The following LYPLA1 variants were observed in gnomAD, a reference collection of about 807,000 sequenced individuals.
LYPLA1 encodes the protein acyl-protein thioesterase 1.
Under a neutral mutation model 34.0 loss-of-function variants are expected in LYPLA1, and 17 were observed. The observed-to-expected ratio is 0.50, with a 90% confidence interval of 0.34 to 0.75. The LOEUF (loss-of-function observed/expected upper bound fraction) is 0.75, where lower values mean the gene tolerates loss of function less well. Among genes scored for constraint, LYPLA1 ranks in the 30% least tolerant of loss-of-function variants. LYPLA1 has a pLI of 0.01. For synonymous variants in LYPLA1, 98 were observed against 100.8 expected (o/e 0.97, Z 0.17); for missense variants, 203 against 288.8 (o/e 0.70, Z 2.15).
Position 54,056,891 on chromosome 8 carries a change from G to A in LYPLA1, c.287-1758C>T, listed in dbSNP as rs534362811. On this transcript the variant is annotated intron_variant, in intron 5 of 8. Transcript: ENST00000316963. ...TTGCACCACTGCACCCCAGCCTGGCGAAAGAGCAAGACTCTGTCTCAAAAC... is the reference window on the plus strand; with the variant it reads ...TTGCACCACTGCACCCCAGCCTGGCAAAAGAGCAAGACTCTGTCTCAAAAC... 5.3e-5 allele frequency among the ~76,000 whole-genome samples: 8 copies of A among 152,080 alleles called. No homozygotes were observed. In the South Asian group the frequency reaches 8.3e-4, roughly 16 times the overall value.
intron 2 of LYPLA1, among the ~76,000 whole-genome samples, chr8:54,067,756 C>T (rs1192305986): frequency 1.4e-5 from 2 of 146,034 alleles, no homozygotes; most frequent in African/African-American, 5.1e-5. Context: ...AGTGCAGTGG[C>T]GCGATCTCGG....
chr8:54,074,086 T>G (rs920714844), intron 2 of LYPLA1, among the ~76,000 whole-genome samples: 2 of 152,086 alleles, frequency 1.3e-5, no homozygotes, highest in Non-Finnish European at 2.9e-5. Flanking sequence ...CCATCCTGGC[T>G]AACATGGTGA....
At chr8:54,063,482 T>C (rs1326292276) in intron 3 of LYPLA1, 107 bp from the exon 4 acceptor site, 1 of 722,290 alleles carries the variant, frequency 1.4e-6, no homozygotes, top group Non-Finnish European at 2.4e-6. Context: ...CAAAACTATA[T>C]GCTACAGTTT....
At chr8:54,093,421 A>G (rs867004027) in intron 2 of LYPLA1, among the ~76,000 whole-genome samples, 2 of 152,238 alleles carry the variant, frequency 1.3e-5, no homozygotes, top group African/African-American at 4.8e-5. Flanking sequence ...TCACATGAAG[A>G]CAGAGGCAGA....
chr8:54,072,475 C>T (rs544362769), intron 2 of LYPLA1, among the ~76,000 whole-genome samples: 2 of 152,260 alleles, frequency 1.3e-5, no homozygotes, highest in African/African-American at 4.8e-5. Context: ...AAAATATATG[C>T]AAACTGCGCA....
rs547563001 is a variant in LYPLA1 at position 54,047,218 on chromosome 8, G to A, written c.*847C>T. 8 of 152,268 alleles carry A rather than the reference G, an allele frequency of 5.3e-5. No individual in the cohort carries two copies. Among genetic ancestry groups the A allele is most frequent in the African/African-American group, 1.9e-4 (8 of 41,576 alleles). The allele number at this position is 152,268 out of a possible 1,614,324, so 9.4% of individuals were successfully genotyped here. ...TAGGTGTAAATTTGGATAAGGTACAGTAATTCGAAATAAGTAGTGCATGAA... is the reference window on the plus strand; with the variant it reads ...TAGGTGTAAATTTGGATAAGGTACAATAATTCGAAATAAGTAGTGCATGAA... On this transcript the variant is annotated 3_prime_UTR_variant, in exon 9 of 9. Coordinates refer to ENST00000316963, the MANE Select transcript of LYPLA1 (RefSeq NM_006330.4).
chr8:54,100,960 T>A (rs779952366), intron 1 of LYPLA1, 21 bp from the exon 2 acceptor site: 35 of 1,600,442 alleles, frequency 2.2e-5, no homozygotes, highest in African/African-American at 1.5e-4. Flanking sequence ...AGAGGAAAAT[T>A]AATAAGCAAT....
intron 8 of LYPLA1, 39 bp from the exon 9 acceptor site, chr8:54,048,157 G>GT: frequency 7.6e-7 from 1 of 1,313,572 alleles, no homozygotes; most frequent in Non-Finnish European, 1.1e-6. Context: ...AGGTAGTTAT[G>GT]TAAGTCAGAA....
chr8:54,052,927 T>A, intron 6 of LYPLA1, 171 bp from the exon 7 acceptor site: 2 of 560,966 alleles, frequency 3.6e-6, no homozygotes, highest in South Asian at 4.9e-5. Context: ...TCCTAAAGGA[T>A]GCGGTTCTCT....
intron 2 of LYPLA1, among the ~76,000 whole-genome samples, chr8:54,082,337 C>T (rs576468442): frequency 6.6e-6 from 1 of 152,228 alleles, no homozygotes; most frequent in South Asian, 2.1e-4. Context: ...TTCCTTATTA[C>T]AATTAGGGGA....
chr8:54,060,120 A>ATTTC (rs1267309482), intron 5 of LYPLA1, among the ~76,000 whole-genome samples: 1 of 129,150 alleles, frequency 7.7e-6, no homozygotes. Context: ...GCACCTGTGC[A>ATTTC]TTTCTTTCTT....
At position 54,065,815 on chromosome 8, in the gene LYPLA1, T is replaced by A; in HGVS notation, c.102-2A>T. 1 of 1,595,000 alleles carries A rather than the reference T, an allele frequency of 6.3e-7. No individual in the cohort carries two copies. On this transcript the variant is annotated splice_acceptor_variant, in intron 2 of 8. Coordinates refer to ENST00000316963, the MANE Select transcript of LYPLA1 (RefSeq NM_006330.4). LOFTEE classifies it high-confidence loss of function. ...GCAAAGGCTTCTGCCCATCCGTGCC[T>A]GGTGGAAAAATCATTGAATAATGCT...
intron 1 of LYPLA1, 68 bp downstream of exon 1, chr8:54,101,667 ACGCGCCCGCAACGCCCACCC>A: frequency 8.5e-7 from 1 of 1,175,250 alleles, no homozygotes; most frequent in Non-Finnish European, 1.1e-6. Context: ...GCAGGCCGCC[ACGCGCCCGCAACGCCCACCC>A]CGCGCGAGGG....
At chr8:54,093,601 C>T (rs1325636020) in intron 2 of LYPLA1, among the ~76,000 whole-genome samples, 1 of 152,152 alleles carries the variant, frequency 6.6e-6, no homozygotes, top group Non-Finnish European at 1.5e-5. Context: ...TTTAATCCAT[C>T]TAGTTTGTGG....
At chr8:54,077,228 A>G (rs1807977270) in intron 2 of LYPLA1, among the ~76,000 whole-genome samples, 1 of 152,188 alleles carries the variant, frequency 6.6e-6, no homozygotes, top group Non-Finnish European at 1.5e-5. Flanking sequence ...ATCCTAAGCA[A>G]ACCATCACAG....
intron 2 of LYPLA1, chr8:54,073,420 C>T (rs927832004): frequency 2.3e-5 from 18 of 775,328 alleles, no homozygotes; most frequent in South Asian, 5.4e-5. Flanking sequence ...CGGCCAGCTC[C>T]GCTGCTTTCC....
At chr8:54,052,618 C>G (rs1805922004) in intron 7 of LYPLA1, 37 bp downstream of exon 7, 1 of 1,288,020 alleles carries the variant, frequency 7.8e-7, no homozygotes, top group East Asian at 2.3e-5. Context: ...CTACCTTTAG[C>G]TCAGTAATCT....
intron 2 of LYPLA1, among the ~76,000 whole-genome samples, chr8:54,069,713 T>TAA (rs74504176): frequency 7.1e-6 from 1 of 140,312 alleles, no homozygotes; most frequent in Admixed American, 7.1e-5. Context: ...CTGTCTCGTT[T>TAA]AAAAAAAAAA....
intron 1 of LYPLA1, chr8:54,101,203 C>T (rs1432670667): frequency 5.1e-6 from 3 of 587,308 alleles, no homozygotes; most frequent in African/African-American, 2.0e-5. Context: ...TGATCACATT[C>T]TAAGAAAAAC....
Sources: allele counts gnomAD v4.1 joint callset (sites outside exome capture counted in the v4.1 genomes callset), GRCh38; gene constraint gnomAD v4.1.1; transcripts MANE v1.5; gene names NCBI Gene and HGNC (gene_info 2026-07-23, HGNC 2026-07-21).